HS6ST3: variants seen among roughly 807,000 people sequenced by gnomAD.
HS6ST3 encodes the protein heparan-sulfate 6-O-sulfotransferase 3.
HS6ST3 carries 12 observed loss-of-function variants against 36.7 expected under a neutral mutation model. The observed-to-expected ratio is 0.33, with a 90% CI of 0.21 to 0.53. HS6ST3 has a LOEUF of 0.53. Ranked by LOEUF, HS6ST3 falls within the 20% of genes least tolerant of loss-of-function variation. HS6ST3 has a pLI of 0.95. For synonymous variants in HS6ST3, 240 were observed against 257.5 expected, an observed-to-expected ratio of 0.93 and a Z score of 0.65; for missense variants, 584 against 640.9, an observed-to-expected ratio of 0.91 and a Z score of 0.96.
chr13:96,362,139 A>G (rs143807414), intron 1 of HS6ST3, among the ~76,000 whole-genome samples: 13 of 152,306 alleles, frequency 8.5e-5, no homozygotes, highest in African/African-American at 2.9e-4. Flanking sequence ...AAACAAAGAA[A>G]TTGAATAAGC....
At chr13:96,128,112 G>A (rs532372739) in intron 1 of HS6ST3, among the ~76,000 whole-genome samples, 25 of 152,296 alleles carry the variant, frequency 1.6e-4, no homozygotes, top group African/African-American at 6.0e-4. Flanking sequence ...TAAGTACTGG[G>A]CTAAGTTAGA....
At chr13:96,522,773 G>A (rs1566386058) in intron 1 of HS6ST3, among the ~76,000 whole-genome samples, 1 of 151,990 alleles carries the variant, frequency 6.6e-6, no homozygotes, top group Non-Finnish European at 1.5e-5. Context: ...CATGAGATAG[G>A]TCCCCTGAAT....
chr13:96,395,904 A>G (rs1182894440), intron 1 of HS6ST3, among the ~76,000 whole-genome samples: 1 of 152,126 alleles, frequency 6.6e-6, no homozygotes, highest in African/African-American at 2.4e-5. Flanking sequence ...GGGAAGAGGT[A>G]AGAAAGAGGT....
At chr13:96,455,575 T>C (rs1260035865) in intron 1 of HS6ST3, among the ~76,000 whole-genome samples, 1 of 152,142 alleles carries the variant, frequency 6.6e-6, no homozygotes, top group Admixed American at 6.5e-5. Context: ...ATAGGTTATC[T>C]ACTGTGTGGT....
intron 1 of HS6ST3, among the ~76,000 whole-genome samples, chr13:96,121,293 T>C (rs2053924404): frequency 6.6e-6 from 1 of 152,152 alleles, no homozygotes; most frequent in African/African-American, 2.4e-5. Flanking sequence ...CCAAGTAGGT[T>C]TTATGGGTTT....
chr13:96,783,954 A>G (rs1424764393), intron 1 of HS6ST3, among the ~76,000 whole-genome samples: 2 of 152,122 alleles, frequency 1.3e-5, no homozygotes, highest in East Asian at 3.9e-4. Context: ...CTGAAGAAAG[A>G]AATATTCAGA....
At chr13:96,544,136 T>C (rs2056188482) in intron 1 of HS6ST3, among the ~76,000 whole-genome samples, 2 of 152,078 alleles carry the variant, frequency 1.3e-5, no homozygotes. Flanking sequence ...CCAGGGACGA[T>C]ATATTCTCAC....
chr13:96,537,359 A>G (rs562947687), intron 1 of HS6ST3, among the ~76,000 whole-genome samples: 37 of 152,300 alleles, frequency 2.4e-4, no homozygotes, highest in African/African-American at 8.4e-4. Flanking sequence ...GGGAGCTACA[A>G]TTCAAGATGA....
chr13:96,642,775 C>G (rs1366314127), intron 1 of HS6ST3, among the ~76,000 whole-genome samples: 13 of 151,798 alleles, frequency 8.6e-5, no homozygotes, highest in Admixed American at 3.3e-4. Flanking sequence ...TTGATATTCT[C>G]TATTTGGTGA....
intron 1 of HS6ST3, among the ~76,000 whole-genome samples, chr13:96,677,852 C>A (rs963036383): frequency 6.6e-6 from 1 of 152,040 alleles, no homozygotes; most frequent in African/African-American, 2.4e-5. Flanking sequence ...AAAATGTTTA[C>A]TTATTTATTG....
intron 1 of HS6ST3, among the ~76,000 whole-genome samples, chr13:96,706,413 TTATA>T (rs3052119): frequency 0.023 from 2,777 of 121,006 alleles, 118 homozygotes; most frequent in African/African-American, 0.075. Context: ...AGAATATATT[TTATA>T]TATATATATA....
chr13:96,813,323 G>T (rs767551807), intron 1 of HS6ST3, among the ~76,000 whole-genome samples: 79 of 152,118 alleles, frequency 5.2e-4, no homozygotes, highest in Non-Finnish European at 2.8e-4. Context: ...CTGAATGGAA[G>T]GGTATCAAAG....
At chr13:96,764,352 T>A (rs1485724825) in intron 1 of HS6ST3, among the ~76,000 whole-genome samples, 4 of 152,204 alleles carry the variant, frequency 2.6e-5, no homozygotes, top group Non-Finnish European at 5.9e-5. Context: ...AGGTGATGAT[T>A]ATATCTTACA....
chr13:96,621,674 A>G (rs994249748), intron 1 of HS6ST3, among the ~76,000 whole-genome samples: 1 of 152,160 alleles, frequency 6.6e-6, no homozygotes, highest in Non-Finnish European at 1.5e-5. Context: ...CCTAATTTTT[A>G]TAACTTTATT....
chr13:96,278,052 G>T (rs1008097621), intron 1 of HS6ST3, among the ~76,000 whole-genome samples: 1 of 152,164 alleles, frequency 6.6e-6, no homozygotes, highest in African/African-American at 2.4e-5. Context: ...TAAAGACATG[G>T]CTGACATGGC....
intron 1 of HS6ST3, among the ~76,000 whole-genome samples, chr13:96,348,913 A>G (rs1328492535): frequency 6.6e-6 from 1 of 152,218 alleles, no homozygotes; most frequent in Admixed American, 6.5e-5. Flanking sequence ...TACTAATCAC[A>G]TCACCAATAA....
intron 1 of HS6ST3, among the ~76,000 whole-genome samples, chr13:96,686,852 C>G (rs567526069): frequency 6.6e-6 from 1 of 152,092 alleles, no homozygotes; most frequent in East Asian, 1.9e-4. Context: ...AACAGATACA[C>G]TTTATTACAC....
chr13:96,522,976 G>T (rs966497558), intron 1 of HS6ST3, among the ~76,000 whole-genome samples: 3 of 152,072 alleles, frequency 2.0e-5, no homozygotes, highest in Non-Finnish European at 4.4e-5. Flanking sequence ...TTACAATTTG[G>T]CATGTTTTTG....
At chr13:96,464,571 AACTT>A (rs200842997) in intron 1 of HS6ST3, among the ~76,000 whole-genome samples, 3,882 of 152,276 alleles carry the variant, frequency 0.025, 81 homozygotes, top group Non-Finnish European at 0.04. Context: ...AGTGGAAACA[AACTT>A]ACTTATATAA....
Sources: allele counts gnomAD v4.1 joint callset (sites outside exome capture counted in the v4.1 genomes callset), GRCh38; gene constraint gnomAD v4.1.1; transcripts MANE v1.5; gene names NCBI Gene and HGNC (gene_info 2026-07-23, HGNC 2026-07-21).